The following FAT1 variants were observed in gnomAD, a reference collection of about 807,000 sequenced individuals.
FAT1 encodes the protein FAT atypical cadherin 1, also known as protocadherin Fat 1.
FAT1 carries 171 observed loss-of-function variants against 329.8 expected under a neutral mutation model. The ratio of observed to expected loss-of-function variants is 0.52; its 90% confidence interval spans 0.46 to 0.59. The LOEUF (loss-of-function observed/expected upper bound fraction) is 0.59. Ranked by LOEUF, FAT1 falls within the 20% of genes least tolerant of loss-of-function variation. FAT1 has a pLI of 0.00. For synonymous variants in FAT1, 2,233 were observed against 2,228.6 expected, an observed-to-expected ratio of 1.00 and a Z score of -0.06; for missense variants, 5,672 against 5,774.4, an observed-to-expected ratio of 0.98 and a Z score of 0.57.
intron 1 of FAT1, among the ~76,000 whole-genome samples, chr4:186,713,250 G>A (rs536697989): frequency 3.3e-5 from 5 of 152,042 alleles, no homozygotes; most frequent in Admixed American, 1.3e-4. Context: ...TGGAATGTAC[G>A]TTTCTCAGAT....
chr4:186,663,402 G>A lies in FAT1; in HGVS notation c.3477C>T (p.Val1159=), dbSNP rs1173943726. The A allele has an allele frequency of 6.2e-7, 1 of 1,613,936 alleles. No individual in the cohort carries two copies. Among genetic ancestry groups the A allele is most frequent in the Non-Finnish European group, 8.5e-7 (1 of 1,179,856 alleles). ...MENSPKDVSV[V]QIEAFDPDSS... Reference sequence around the variant, plus strand: ...AATCTGGATCAAATGCCTCGATCTGGACCACAGATACATCTTTAGGAGAAT... The same window carrying A: ...AATCTGGATCAAATGCCTCGATCTGAACCACAGATACATCTTTAGGAGAAT... The change falls in exon 3 of 27, where the codon GTC becomes GTT. Residue 1159 remains valine, a synonymous_variant. Transcript: ENST00000441802.
rs1460933151 is a variant in FAT1 at position 186,707,262 on chromosome 4, G to A, written c.2566C>T (p.His856Tyr). ...ATDKDLGPNG[H>Y]VTYSIVTDTD... ...TCTGTAACAATTGAGTACGTCACGT[G>A]TCCGTTGGGCCCCAGGTCTTTATCT... The change falls in exon 2 of 27, where the codon CAC (histidine) becomes TAC (tyrosine). Residue 856 changes from histidine to tyrosine, a missense_variant. By Grantham distance (83) the His-to-Tyr change is moderately conservative. Around this residue, in one of 2 missense-constraint regions of FAT1, gnomAD observed 3,966 missense variants for 3,915.2 expected, o/e 1.01. Coordinates refer to ENST00000441802, the MANE Select transcript of FAT1 (RefSeq NM_005245.4). 5 of 1,613,918 alleles carry A rather than the reference G, an allele frequency of 3.1e-6. No individual in the cohort carries two copies. The highest frequency in any genetic ancestry group is 4.2e-6 in the Non-Finnish European group (5 of 1,179,870).
rs1738942712 is a variant in FAT1 at position 186,603,714 on chromosome 4, C to T, written c.10812G>A (p.Lys3604=). The part of the protein sequence containing the change: ...STGGKLIAHK[K]LDIGQYLLNV... ...TGAGAAGGTATTGCCCTATGTCTAGCTTTTTGTGTGCTATCAGCTTGCCCC... is the reference window on the plus strand; with the variant it reads ...TGAGAAGGTATTGCCCTATGTCTAGTTTTTTGTGTGCTATCAGCTTGCCCC... Residue 3604 remains lysine, a synonymous_variant, in exon 19 of 27, where the codon AAG becomes AAA. Transcript: ENST00000441802. 1.3e-5 allele frequency: 21 copies of T among 1,613,842 alleles called. No individual in the cohort carries two copies. The East Asian group carries it at 4.5e-4, about 34-fold the overall frequency.
At chr4:186,664,891 A>C (rs528388911) in intron 2 of FAT1, among the ~76,000 whole-genome samples, 2 of 152,296 alleles carry the variant, frequency 1.3e-5, no homozygotes, top group African/African-American at 4.8e-5. Flanking sequence ...ACCAATTACC[A>C]ATTTTACCTA....
At chr4:186,718,774 A>C (rs1745333528) in intron 1 of FAT1, among the ~76,000 whole-genome samples, 1 of 152,208 alleles carries the variant, frequency 6.6e-6, no homozygotes. Context: ...GATCGCAAGA[A>C]AAGGAGTTTC....
At chr4:186,669,268 G>A (rs537235218) in intron 2 of FAT1, among the ~76,000 whole-genome samples, 12 of 152,310 alleles carry the variant, frequency 7.9e-5, no homozygotes, top group South Asian at 4.1e-4. Flanking sequence ...GCCAGATGCC[G>A]GGAGCAACAG....
chr4:186,648,712 C>T (rs536545405), intron 3 of FAT1, among the ~76,000 whole-genome samples: 1 of 152,252 alleles, frequency 6.6e-6, no homozygotes, highest in Non-Finnish European at 1.5e-5. Flanking sequence ...ACTGCTCGAG[C>T]CTTTTCCTGC....
chr4:186,703,333 G>A (rs1233170146), intron 2 of FAT1, among the ~76,000 whole-genome samples: 1 of 152,184 alleles, frequency 6.6e-6, no homozygotes, highest in African/African-American at 2.4e-5. Context: ...TACAAAAACA[G>A]AAAACTACGT....
chr4:186,627,872 A>G (rs540849386), intron 9 of FAT1, among the ~76,000 whole-genome samples: 1 of 152,298 alleles, frequency 6.6e-6, no homozygotes, highest in South Asian at 2.1e-4. Context: ...AGAAATACTG[A>G]ATTGGTCAAA....
intron 3 of FAT1, among the ~76,000 whole-genome samples, chr4:186,648,152 G>A (rs1241928087): frequency 2.6e-5 from 4 of 152,146 alleles, no homozygotes; most frequent in African/African-American, 4.8e-5. Flanking sequence ...GCTACTCCTG[G>A]GAAATGGAAC....
rs542564245 is a variant in FAT1 at position 186,628,880 on chromosome 4, C to G, written c.4324-117G>C. On this transcript the variant is annotated intron_variant, in intron 7 of 26. Coordinates refer to ENST00000441802, the MANE Select transcript of FAT1 (RefSeq NM_005245.4). ...AACGATACTGTGGCAAAATAAAATACGAGAAAGGCAACAAAAACCTAGAAT... is the reference window on the plus strand; with the variant it reads ...AACGATACTGTGGCAAAATAAAATAGGAGAAAGGCAACAAAAACCTAGAAT... The G allele has an allele frequency of 4.0e-6, 4 of 1,010,004 alleles. No homozygotes were observed. In the African/African-American group the frequency reaches 4.9e-5, roughly 12 times the overall value. The allele number at this position is 1,010,004 out of a possible 1,614,324, so 62.6% of individuals were successfully genotyped here. A position where few individuals can be genotyped will look rare whatever the true frequency, so the allele number is the denominator to read the frequency against.
rs1738815664 is a variant in FAT1 at position 186,601,444 on chromosome 4, G to GA, written c.11483-19dup. Reference sequence around the variant, plus strand: ...TGAACTCCCTGTGAATCACACAGAGGAAAAAATAAACCAGAACCAAGTTTA... The same window carrying GA: ...TGAACTCCCTGTGAATCACACAGAGGAAAAAAATAAACCAGAACCAAGTTTA... On this transcript the variant is annotated intron_variant, in intron 20 of 26. Coordinates refer to ENST00000441802, the MANE Select transcript of FAT1 (RefSeq NM_005245.4). 6.3e-7 allele frequency: 1 copy of GA among 1,592,278 alleles called. No homozygotes were observed. The highest frequency in any genetic ancestry group is 8.6e-7 in the Non-Finnish European group (1 of 1,162,780).
rs1289428034 is a variant in FAT1, at chr4:186,709,218, T to C, written c.610A>G (p.Ile204Val). Residue 204 changes from isoleucine (I) to valine (V), a missense_variant, in exon 2 of 27, where the codon ATA becomes GTA. Physicochemically the swap from Ile to Val is conservative, Grantham distance 29. Coordinates refer to ENST00000441802, the MANE Select transcript of FAT1 (RefSeq NM_005245.4). ...TAATCAAGTCTACCAGTTAACACTA[T>C]CACACCACTGGTTGGGTGAATAGCA... ...MFAIHPTSGV[I>V]VLTGRLDYLE... is the part of the protein sequence containing the mutation. 4 of 1,613,896 alleles carry C rather than the reference T, an allele frequency of 2.5e-6. No individual in the cohort carries two copies. In the African/African-American group the frequency reaches 4.0e-5, roughly 16 times the overall value.
intron 2 of FAT1, among the ~76,000 whole-genome samples, chr4:186,694,084 T>A (rs1465605545): frequency 1.4e-5 from 2 of 139,346 alleles, no homozygotes; most frequent in East Asian, 2.1e-4. Context: ...ATCTAACCCA[T>A]CCACCATCTT....
rs116558364 is a variant in FAT1, at chr4:186,685,333, C to G, written c.3265+21230G>C. 7.4e-3 allele frequency among the ~76,000 whole-genome samples: 1,128 copies of G among 152,296 alleles called. 13 individuals are homozygous for G. The highest frequency in any genetic ancestry group is 0.026 in the African/African-American group (1,084 of 41,556). ...TACGGAACCGTAGAGAACGTTAAAC[C>G]ACCACCACAATAAGAGCAACTTAGC... On this transcript the variant is annotated intron_variant, in intron 2 of 26. Coordinates refer to ENST00000441802, the MANE Select transcript of FAT1 (RefSeq NM_005245.4).
chr4:186,710,958 G>T (rs534016773), intron 1 of FAT1, among the ~76,000 whole-genome samples: 1 of 152,292 alleles, frequency 6.6e-6, no homozygotes, highest in Admixed American at 6.5e-5. Flanking sequence ...CAGGGAAGCA[G>T]GACAGTTATT....
Position 186,596,408 on chromosome 4 carries a change from A to C in FAT1, c.13000+132T>G. ...AATCGGGACATCCAAAAAAGTTTCA[A>C]ATCATCATACGGATTTCAGTCTGAG... On this transcript the variant is annotated intron_variant, in intron 25 of 26. Coordinates refer to ENST00000441802, the MANE Select transcript of FAT1 (RefSeq NM_005245.4). This position sits in a 1 kb window ranked among gnomAD's most constrained non-coding sequence, Gnocchi z 4.7. The C allele has an allele frequency of 1.9e-6, 2 of 1,053,744 alleles. No homozygotes were observed. The highest frequency in any genetic ancestry group is 2.7e-6 in the Non-Finnish European group (2 of 745,726). 65.3% of individuals were successfully genotyped at this position (1,053,744 alleles called of 1,614,324 possible).
intron 26 of FAT1, among the ~76,000 whole-genome samples, chr4:186,593,569 G>A (rs76320820): frequency 0.029 from 4,382 of 152,252 alleles, 214 homozygotes; most frequent in African/African-American, 0.097. Flanking sequence ...AATCATAAGG[G>A]TAACTTTTCT....
At chr4:186,645,080 T>C (rs1741290752) in intron 3 of FAT1, among the ~76,000 whole-genome samples, 1 of 151,958 alleles carries the variant, frequency 6.6e-6, no homozygotes, top group Non-Finnish European at 1.5e-5. Context: ...AACTCTGTGT[T>C]CCAGAAAAGT....
Sources: allele counts gnomAD v4.1 joint callset (sites outside exome capture counted in the v4.1 genomes callset), GRCh38; gene constraint gnomAD v4.1.1; regional missense constraint gnomAD v4.1.1; non-coding constraint Gnocchi (gnomAD v3.1); transcripts MANE v1.5; gene names NCBI Gene and HGNC (gene_info 2026-07-23, HGNC 2026-07-21).